Variants in CABP7 observed in about 807,000 individuals in gnomAD.
The protein encoded by CABP7 is calcium binding protein 7.
CABP7 carries 13 observed loss-of-function variants against 23.1 expected under a neutral mutation model. The observed-to-expected ratio is 0.56, with a 90% CI of 0.37 to 0.90. CABP7 has a LOEUF of 0.90. Among genes scored for constraint, CABP7 ranks in the 40% least tolerant of loss-of-function variants. CABP7 has a pLI of 0.01. For missense variants in CABP7, 248 were observed against 295.6 expected (o/e 0.84, Z 1.18); for synonymous variants, 123 against 115.3 (o/e 1.07, Z -0.43).
rs1277767006 is a variant in CABP7, at chr22:29,720,518, G to C, written c.94G>C (p.Glu32Gln). 2 of 1,546,680 alleles carry C rather than the reference G, an allele frequency of 1.3e-6. No individual in the cohort carries two copies. The highest frequency in any genetic ancestry group is 2.8e-5 in the African/African-American group (2 of 70,178). The change falls in exon 1 of 5, where the codon GAG becomes CAG. Residue 32 changes from glutamate (E) to glutamine (Q), a missense_variant. Transcript: ENST00000216144. This position sits in a 1 kb window ranked among gnomAD's most constrained non-coding sequence, Gnocchi z 5.2. Reference sequence around the variant, plus strand: ...GGAGCAGCGCCCGGTGGACATCCCGGAGGACGAGCTGGAGGGTGAGTGTCC... The same window carrying C: ...GGAGCAGCGCCCGGTGGACATCCCGCAGGACGAGCTGGAGGGTGAGTGTCC... ...LSEQRPVDIPEDELEEIREAF... is the reference protein window; with the variant it reads ...LSEQRPVDIPQDELEEIREAF...
chr22:29,720,695 C>G lies in CABP7; in HGVS notation c.109+162C>G, dbSNP rs1253517395. On this transcript the variant is annotated intron_variant, in intron 1 of 4. Transcript: ENST00000216144. This position sits in a 1 kb window ranked among gnomAD's most constrained non-coding sequence, Gnocchi z 5.2. ...AGCTGTGCCCCGCGGCAAGACCTGT[C>G]CGCACCCCGGGGCGCCGCGGTGGGG... Among the ~76,000 whole-genome samples, 1 of 151,564 alleles carries G rather than the reference C, an allele frequency of 6.6e-6. No individual in the cohort carries two copies. Among genetic ancestry groups the G allele is most frequent in the African/African-American group, 2.4e-5 (1 of 41,350 alleles).
chr22:29,727,804 T>C lies in CABP7; in HGVS notation c.252T>C (p.Asp84=). The C allele has an allele frequency of 6.2e-7, 1 of 1,606,168 alleles. No individual in the cohort carries two copies. Among genetic ancestry groups the C allele is most frequent in the Non-Finnish European group, 8.5e-7 (1 of 1,175,584 alleles). The change falls in exon 2 of 5, where the codon GAT becomes GAC. Residue 84 remains aspartate (D), a splice_region_variant and synonymous_variant. Coordinates refer to ENST00000216144, the MANE Select transcript of CABP7 (RefSeq NM_182527.3). The surrounding 1 kb of genome is among the most constrained non-coding windows in gnomAD (Gnocchi z 4.2). ...LEVIIQRLDM[D]GDGQVDFEEF... The stretch of plus-strand genomic sequence containing the variant: ...TCATCATCCAGCGGCTGGACATGGA[T>C]GGTGAGCACCCCCCCGCCTCGGTTT...
At chr22:29,729,280 A>G in intron 4 of CABP7, 72 bp downstream of exon 4, 1 of 1,569,178 alleles carries the variant, frequency 6.4e-7, no homozygotes, top group Non-Finnish European at 8.7e-7. Flanking sequence ...GGGTGGGGAG[A>G]GTCTGCAGAG....
At position 29,720,366 on chromosome 22, in the gene CABP7, C is replaced by G. The variant is rs1294006067; in HGVS notation, c.-59C>G. 1.8e-5 allele frequency: 20 copies of G among 1,123,466 alleles called. No homozygotes were observed. Among genetic ancestry groups the G allele is most frequent in the Non-Finnish European group, 3.5e-6 (3 of 848,714 alleles). The allele number at this position is 1,123,466 out of a possible 1,614,324, so 69.6% of individuals were successfully genotyped here. A position where few individuals can be genotyped will look rare whatever the true frequency, so the allele number is the denominator to read the frequency against. ...CTCCAGCCGCCCCCGGGGCCGCCAC[C>G]GGCCCATGAGCCCCGGCCTCAAAGT... On this transcript the variant is annotated 5_prime_UTR_variant, in exon 1 of 5. Coordinates refer to ENST00000216144, the MANE Select transcript of CABP7 (RefSeq NM_182527.3). This position sits in a 1 kb window ranked among gnomAD's most constrained non-coding sequence, Gnocchi z 5.2.
In CABP7 at chr22:29,720,443, A is replaced by G; in HGVS notation, c.19A>G (p.Thr7Ala). Residue 7 changes from threonine (T) to alanine (A), a missense_variant, in exon 1 of 5, where the codon ACG (threonine) becomes GCG (alanine). Thr to Ala is a moderately conservative substitution (Grantham distance 58, BLOSUM62 0). Transcript: ENST00000216144. The surrounding 1 kb of genome is among the most constrained non-coding windows in gnomAD (Gnocchi z 5.2). ...CTCCAAGATGCCGTTCCACCCGGTG[A>G]CGGCGGCGTTGATGTACCGGGGCAT... Reference protein sequence around the residue: MPFHPVTAALMYRGIYT... With the variant: MPFHPVAAALMYRGIYT... The G allele has an allele frequency of 6.5e-7, 1 of 1,545,316 alleles. No individual in the cohort carries two copies. Among genetic ancestry groups the G allele is most frequent in the Non-Finnish European group, 8.7e-7 (1 of 1,148,550 alleles).
At position 29,727,962 on chromosome 22, in the gene CABP7, GC is replaced by G. The variant is rs2147208397; in HGVS notation, c.253+161del. ...CCGTGGCAGGTTGCAGCCCGGTCTG[GC>G]CCCATTTCTCAGCCTGGAGAATTGA... is the stretch of plus-strand genomic sequence containing the variant. On this transcript the variant is annotated intron_variant, in intron 2 of 4. Transcript: ENST00000216144. This position sits in a 1 kb window ranked among gnomAD's most constrained non-coding sequence, Gnocchi z 4.2. Among the ~76,000 whole-genome samples, 1 of 152,298 alleles carries G rather than the reference GC, an allele frequency of 6.6e-6. No individual in the cohort carries two copies. The highest frequency in any genetic ancestry group is 2.4e-5 in the African/African-American group (1 of 41,568).
chr22:29,724,961 G>A (rs737978), intron 1 of CABP7, among the ~76,000 whole-genome samples: 1 of 152,248 alleles, frequency 6.6e-6, no homozygotes, highest in Admixed American at 6.5e-5. Context: ...GCTCCCGAAG[G>A]GTAGGAGGGA....
At chr22:29,722,777 G>A (rs2067770414) in intron 1 of CABP7, among the ~76,000 whole-genome samples, 1 of 152,262 alleles carries the variant, frequency 6.6e-6, no homozygotes, top group Non-Finnish European at 1.5e-5. Flanking sequence ...CTGCCGGGAG[G>A]ACGCCATTCG....
chr22:29,729,008 G>C (rs767874130), intron 3 of CABP7, 47 bp from the exon 4 acceptor site: 2 of 1,594,754 alleles, frequency 1.3e-6, no homozygotes, highest in Non-Finnish European at 8.6e-7. Flanking sequence ...GGTGCTGGGT[G>C]GGGGCTGCGG....
intron 1 of CABP7, among the ~76,000 whole-genome samples, chr22:29,724,438 C>T (rs180844217): frequency 6.6e-6 from 1 of 152,358 alleles, no homozygotes; most frequent in African/African-American, 2.4e-5. Context: ...GAGCCAGGAC[C>T]AGCCAGACAC....
chr22:29,731,578 C>T lies in CABP7; in HGVS notation c.*2009C>T. ...AGCGGGGTTGCAGGCAGACATTGAG[C>T]TGCGAGACAATGGGAATAACCTTCG... is the stretch of plus-strand genomic sequence containing the variant. On this transcript the variant is annotated 3_prime_UTR_variant, in exon 5 of 5. Coordinates refer to ENST00000216144, the MANE Select transcript of CABP7 (RefSeq NM_182527.3). 1.8e-5 allele frequency: 9 copies of T among 511,834 alleles called. No homozygotes were observed. In the South Asian group the frequency reaches 2.4e-4, roughly 14 times the overall value. The allele number at this position is 511,834 out of a possible 1,614,324, so 31.7% of individuals were successfully genotyped here.
At chr22:29,726,144 C>T (rs1281691014) in intron 1 of CABP7, among the ~76,000 whole-genome samples, 1 of 152,118 alleles carries the variant, frequency 6.6e-6, no homozygotes, top group East Asian at 1.9e-4. Context: ...GACGAGATTC[C>T]CAGGTCCTGG....
rs745328470 is a variant in CABP7 at position 29,731,186 on chromosome 22, GAA to G, written c.*1620_*1621del. On this transcript the variant is annotated 3_prime_UTR_variant, in exon 5 of 5. Transcript: ENST00000216144. The stretch of plus-strand genomic sequence containing the variant: ...CTTGGCTTCCTATTGTGACTGATGA[GAA>G]AAGTGACCACGTGGGGGTCAGTCGG... 2 of 1,460,096 alleles carry G rather than the reference GAA, an allele frequency of 1.4e-6. No individual in the cohort carries two copies. Among genetic ancestry groups the G allele is most frequent in the African/African-American group, 1.5e-5 (1 of 67,302 alleles). 90.4% of individuals were successfully genotyped at this position (1,460,096 alleles called of 1,614,324 possible).
In CABP7 at chr22:29,731,546, A is replaced by G. The variant is rs189948272; in HGVS notation, c.*1977A>G. On this transcript the variant is annotated 3_prime_UTR_variant, in exon 5 of 5. Transcript: ENST00000216144. ...ACCTCACCTCTAGGAACTGAGCCCA[A>G]GGAAATAGCGGGGTTGCAGGCAGAC... is the stretch of plus-strand genomic sequence containing the variant. 2.5e-5 allele frequency: 16 copies of G among 628,962 alleles called. No homozygotes were observed. Among genetic ancestry groups the G allele is most frequent in the Admixed American group, 4.3e-5 (1 of 23,196 alleles). 39.0% of individuals were successfully genotyped at this position (628,962 alleles called of 1,614,324 possible).
chr22:29,728,566 TCTGGGCCCTGGGCTGCAGGC>T, intron 2 of CABP7, 44 bp from the exon 3 acceptor site: 1 of 1,057,440 alleles, frequency 9.5e-7, no homozygotes, highest in Admixed American at 1.8e-5. Context: ...TCCCAGGACC[TCTGGGCCCTGGGCTGCAGGC>T]CTGGGCCCTA....
In CABP7 at chr22:29,731,582, G is replaced by A. The variant is rs1223456070; in HGVS notation, c.*2013G>A. On this transcript the variant is annotated 3_prime_UTR_variant, in exon 5 of 5. Coordinates refer to ENST00000216144, the MANE Select transcript of CABP7 (RefSeq NM_182527.3). The stretch of plus-strand genomic sequence containing the variant: ...GGGTTGCAGGCAGACATTGAGCTGC[G>A]AGACAATGGGAATAACCTTCGTGTC... 1.4e-5 allele frequency: 7 copies of A among 501,002 alleles called. No individual in the cohort carries two copies. Among genetic ancestry groups the A allele is most frequent in the East Asian group, 1.2e-4 (3 of 25,408 alleles). 31.0% of individuals were successfully genotyped at this position (501,002 alleles called of 1,614,324 possible).
intron 1 of CABP7, among the ~76,000 whole-genome samples, chr22:29,723,657 G>A (rs2067776945): frequency 6.6e-6 from 1 of 152,180 alleles, no homozygotes; most frequent in South Asian, 2.1e-4. Context: ...GCCAAATGGG[G>A]GCCTTTAGGG....
intron 1 of CABP7, among the ~76,000 whole-genome samples, chr22:29,723,130 G>A (rs1029496723): frequency 5.3e-5 from 8 of 152,228 alleles, no homozygotes; most frequent in African/African-American, 1.9e-4. Context: ...ATGAGGGGAG[G>A]CCCTGCGGGG....
chr22:29,726,035 G>C (rs958732670), intron 1 of CABP7, among the ~76,000 whole-genome samples: 2 of 152,152 alleles, frequency 1.3e-5, no homozygotes, highest in Admixed American at 6.5e-5. Flanking sequence ...GTGGGAATTG[G>C]CCTGGAGTTC....
Sources: gnomAD v4.1 joint callset for allele counts (sites outside exome capture counted in the v4.1 genomes callset) on GRCh38, gnomAD v4.1.1 for gene constraint, Gnocchi (gnomAD v3.1) non-coding constraint, MANE v1.5 for transcripts, NCBI Gene and HGNC (gene_info 2026-07-23, HGNC 2026-07-21) for gene names.